Variants in OR1J2 observed in about 807,000 individuals in gnomAD.
The protein encoded by OR1J2 is olfactory receptor 1J2.
For missense variants in OR1J2, 304 were observed against 246.1 expected, an observed-to-expected ratio of 1.24 and a Z score of -1.57; for synonymous variants, 142 against 99.7, an observed-to-expected ratio of 1.42 and a Z score of -2.52.
chr9:122,452,501 A>G, the OR1J2 span, among the ~76,000 whole-genome samples: 18 of 152,254 alleles, frequency 1.2e-4, no homozygotes, highest in East Asian at 3.1e-3. Context: ...TGCTGTTGAC[A>G]TGGCAATTAT....
At chr9:122,466,519 A>G in the OR1J2 span, among the ~76,000 whole-genome samples, 1 of 152,166 alleles carries the variant, frequency 6.6e-6, no homozygotes, top group Non-Finnish European at 1.5e-5. Context: ...TAATCTGGCA[A>G]ATCACCTTGC....
chr9:122,525,871 CAAACA>C, the OR1J2 span, among the ~76,000 whole-genome samples: 1 of 152,132 alleles, frequency 6.6e-6, no homozygotes, highest in Non-Finnish European at 1.5e-5. Context: ...CTTAATGCCA[CAAACA>C]AAACAAGTGC....
the OR1J2 span, among the ~76,000 whole-genome samples, chr9:122,559,269 T>C: frequency 6.6e-6 from 1 of 152,116 alleles, no homozygotes; most frequent in Non-Finnish European, 1.5e-5. Context: ...ATCAACTTTT[T>C]TTGTTGTTGT....
the OR1J2 span, among the ~76,000 whole-genome samples, chr9:122,451,574 G>C: frequency 6.6e-6 from 1 of 152,142 alleles, no homozygotes; most frequent in Non-Finnish European, 1.5e-5. Context: ...TTGGCCAATA[G>C]ATCTCCATGA....
upstream of OR1J2, among the ~76,000 whole-genome samples, chr9:122,507,757 C>T (rs559316144): frequency 2.0e-5 from 3 of 152,246 alleles, no homozygotes; most frequent in Admixed American, 6.5e-5. Flanking sequence ...TTTTCTCCTG[C>T]GTGTAAAAGG....
At chr9:122,472,851 T>C in the OR1J2 span, among the ~76,000 whole-genome samples, 1 of 152,336 alleles carries the variant, frequency 6.6e-6, no homozygotes, top group South Asian at 2.1e-4. Context: ...AAGGAATTGA[T>C]TCTTGGATAT....
At chr9:122,478,040 A>G in the OR1J2 span, 1 of 714,610 alleles carries the variant, frequency 1.4e-6, no homozygotes, top group Non-Finnish European at 2.3e-6. Flanking sequence ...TGACTTAGAG[A>G]ATGTCTTCAT....
At chr9:122,477,711 G>C in the OR1J2 span, 1 of 1,614,178 alleles carries the variant, frequency 6.2e-7, no homozygotes, top group South Asian at 1.1e-5. Flanking sequence ...CAGATGAAAA[G>C]GAGATGTCAG....
the OR1J2 span, among the ~76,000 whole-genome samples, chr9:122,474,911 G>A: frequency 6.6e-6 from 1 of 152,196 alleles, no homozygotes; most frequent in Non-Finnish European, 1.5e-5. Context: ...TGTCTAAGCA[G>A]CTGACACGAA....
At chr9:122,454,461 C>T in the OR1J2 span, among the ~76,000 whole-genome samples, 4 of 151,888 alleles carry the variant, frequency 2.6e-5, no homozygotes, top group Non-Finnish European at 4.4e-5. Flanking sequence ...GAGGTTGCAG[C>T]GAGCTGAGAT....
At chr9:122,461,382 C>A in the OR1J2 span, among the ~76,000 whole-genome samples, 3 of 147,218 alleles carry the variant, frequency 2.0e-5, no homozygotes, top group African/African-American at 7.6e-5. Context: ...ATGTTATTAT[C>A]CTATCTTTTG....
At chr9:122,506,285 C>T (rs1162378084), upstream of OR1J2, among the ~76,000 whole-genome samples, 2 of 152,110 alleles carry the variant, frequency 1.3e-5, no homozygotes, top group East Asian at 1.9e-4. Flanking sequence ...CACCCTCTAA[C>T]GTTCCCAGGA....
At chr9:122,535,428 C>T in the OR1J2 span, among the ~76,000 whole-genome samples, 2 of 152,124 alleles carry the variant, frequency 1.3e-5, no homozygotes, top group South Asian at 4.1e-4. Context: ...CTGTGACAGG[C>T]ACCGGAGTTT....
the OR1J2 span, among the ~76,000 whole-genome samples, chr9:122,530,224 G>GA: frequency 6.6e-6 from 1 of 152,186 alleles, no homozygotes; most frequent in Non-Finnish European, 1.5e-5. Context: ...AGCTGGAACA[G>GA]AAAAAATCAG....
chr9:122,573,264 A>G, the OR1J2 span, among the ~76,000 whole-genome samples: 1 of 152,246 alleles, frequency 6.6e-6, no homozygotes, highest in Admixed American at 6.5e-5. Context: ...CTCCAAGGAG[A>G]CAGGGACCCC....
chr9:122,468,058 G>A, the OR1J2 span, among the ~76,000 whole-genome samples: 2 of 152,178 alleles, frequency 1.3e-5, no homozygotes, highest in African/African-American at 4.8e-5. Flanking sequence ...CAGACTTAGA[G>A]GATGTAATTT....
the OR1J2 span, among the ~76,000 whole-genome samples, chr9:122,573,459 T>C: frequency 1.3e-5 from 2 of 152,242 alleles, no homozygotes; most frequent in Non-Finnish European, 2.9e-5. Flanking sequence ...TACAGTGGTA[T>C]GTCATTGTTG....
At chr9:122,462,891 A>G in the OR1J2 span, among the ~76,000 whole-genome samples, 8 of 152,300 alleles carry the variant, frequency 5.3e-5, no homozygotes, top group Middle Eastern at 3.4e-3. Context: ...TAACTTCATG[A>G]CTATGTACCA....
downstream of OR1J2, chr9:122,511,823 C>T: frequency 1.4e-6 from 1 of 731,034 alleles, no homozygotes; most frequent in South Asian, 1.5e-5. Flanking sequence ...TGTCTCAAAA[C>T]ATGTTATGTC....
Sources: gnomAD v4.1 joint callset for allele counts (sites outside exome capture counted in the v4.1 genomes callset) on GRCh38, gnomAD v4.1.1 for gene constraint, MANE v1.5 for transcripts, NCBI Gene and HGNC (gene_info 2026-07-23, HGNC 2026-07-21) for gene names.